UBE4B: variants seen among roughly 807,000 people sequenced by gnomAD.
UBE4B encodes ubiquitin conjugation factor E4 B.
UBE4B carries 27 observed loss-of-function variants against 148.1 expected under a neutral mutation model. The observed-to-expected ratio is 0.18, with a 90% CI of 0.13 to 0.25. The LOEUF (loss-of-function observed/expected upper bound fraction) is 0.25. Among genes scored for constraint, UBE4B ranks in the 10% least tolerant of loss-of-function variants. UBE4B has a pLI of 1.00. For missense variants in UBE4B, 1,170 were observed against 1,662.4 expected, an observed-to-expected ratio of 0.70 and a Z score of 5.15; for synonymous variants, 596 against 619.3, an observed-to-expected ratio of 0.96 and a Z score of 0.56.
intron 26 of UBE4B, chr1:10,179,019 C>T (rs1646467610): frequency 1.8e-6 from 1 of 567,946 alleles, no homozygotes; most frequent in Non-Finnish European, 2.8e-6. Flanking sequence ...CTTAGCCTGA[C>T]TTAAAGCCAG....
In UBE4B at chr1:10,089,844, C is replaced by T. The variant is rs944911012; in HGVS notation, c.212-5617C>T. ...CCTCCTGAGTAGCTGGGATTACAGG[C>T]GTGCACCAGCATGTCTGGCTAATTT... On this transcript the variant is annotated intron_variant, in intron 2 of 27. Coordinates refer to ENST00000343090, the MANE Select transcript of UBE4B (RefSeq NM_001105562.3). 2.0e-5 allele frequency among the ~76,000 whole-genome samples: 3 copies of T among 151,838 alleles called. No individual in the cohort carries two copies. The South Asian group carries it at 6.2e-4, about 32-fold the overall frequency.
At chr1:10,145,691 A>G (rs965547094) in intron 18 of UBE4B, 2 of 152,060 alleles carry the variant, frequency 1.3e-5, no homozygotes, top group African/African-American at 4.8e-5. Flanking sequence ...CCCTCGCCCC[A>G]ACACTCATCC....
At chr1:10,087,608 T>C (rs1644784915) in intron 2 of UBE4B, among the ~76,000 whole-genome samples, 1 of 152,238 alleles carries the variant, frequency 6.6e-6, no homozygotes, top group South Asian at 2.1e-4. Context: ...ACTGGGGTTG[T>C]GGGTTTTGGG....
intron 11 of UBE4B, among the ~76,000 whole-genome samples, chr1:10,127,116 T>C (rs977943526): frequency 3.3e-5 from 5 of 152,138 alleles, no homozygotes; most frequent in African/African-American, 9.7e-5. Flanking sequence ...AATGCACTTA[T>C]TACAATGTAC....
At chr1:10,115,331 G>C (rs897531836) in intron 7 of UBE4B, among the ~76,000 whole-genome samples, 2 of 151,102 alleles carry the variant, frequency 1.3e-5, no homozygotes, top group African/African-American at 4.9e-5. Context: ...GCAGTTGTGT[G>C]ATCTCAGCTC....
intron 24 of UBE4B, among the ~76,000 whole-genome samples, chr1:10,169,320 C>T (rs1557614420): frequency 1.3e-5 from 2 of 152,174 alleles, no homozygotes; most frequent in African/African-American, 4.8e-5. Flanking sequence ...CATATTTCCC[C>T]TGATTTTCTG....
intron 15 of UBE4B, 119 bp downstream of exon 15, chr1:10,132,601 C>A (rs753253235): frequency 8.1e-6 from 6 of 744,042 alleles, no homozygotes; most frequent in African/African-American, 1.8e-5. Context: ...ACAAGGTAGA[C>A]GAGCTTCCTG....
chr1:10,055,906 A>G (rs1350134474), intron 1 of UBE4B, among the ~76,000 whole-genome samples: 1 of 152,108 alleles, frequency 6.6e-6, no homozygotes, highest in African/African-American at 2.4e-5. Context: ...ATGACAGAGT[A>G]AGACTCTGTC....
intron 1 of UBE4B, among the ~76,000 whole-genome samples, chr1:10,040,316 G>A (rs1380439759): frequency 6.6e-6 from 1 of 151,868 alleles, no homozygotes; most frequent in African/African-American, 2.4e-5. Context: ...CACCATATTG[G>A]CCAGGCTGGT....
intron 19 of UBE4B, among the ~76,000 whole-genome samples, chr1:10,147,632 A>C (rs1343529012): frequency 6.6e-6 from 1 of 152,214 alleles, no homozygotes; most frequent in African/African-American, 2.4e-5. Context: ...AATTTTGACA[A>C]GTTTTCTTTA....
rs180968554 is a variant in UBE4B, at chr1:10,115,358, C to T, written c.1197-2101C>T. On this transcript the variant is annotated intron_variant, in intron 7 of 27. Coordinates refer to ENST00000343090, the MANE Select transcript of UBE4B (RefSeq NM_001105562.3). ...TCTCAGCTCACAGCAGCCTCTGCCT[C>T]CCGGGATTTAAGAGATTCTCCTGCC... Among the ~76,000 whole-genome samples the T allele has an allele frequency of 3.6e-4, 54 of 151,858 alleles. No homozygotes were observed. In the South Asian group the frequency reaches 5.6e-3, roughly 16 times the overall value.
chr1:10,103,240 T>C (rs1645045030), intron 5 of UBE4B, 148 bp downstream of exon 5: 7 of 706,234 alleles, frequency 9.9e-6, no homozygotes. Context: ...AGGACACAAT[T>C]GTTTAGCCAC....
chr1:10,129,833 A>G (rs2101940105), intron 12 of UBE4B, among the ~76,000 whole-genome samples: 1 of 151,766 alleles, frequency 6.6e-6, no homozygotes, highest in South Asian at 2.1e-4. Flanking sequence ...TTGTATTTTT[A>G]GTAGAGATGG....
chr1:10,177,743 A>G (rs1646448602), intron 25 of UBE4B, among the ~76,000 whole-genome samples: 1 of 152,064 alleles, frequency 6.6e-6, no homozygotes, highest in Non-Finnish European at 1.5e-5. Context: ...ACAAATATAT[A>G]TCATCACTAA....
chr1:10,094,165 T>C (rs1644892788), intron 2 of UBE4B, among the ~76,000 whole-genome samples: 1 of 152,214 alleles, frequency 6.6e-6, no homozygotes, highest in African/African-American at 2.4e-5. Flanking sequence ...AAGACATTGA[T>C]GGGAAATTGC....
At chr1:10,114,007 G>T (rs1466219621) in intron 7 of UBE4B, among the ~76,000 whole-genome samples, 1 of 149,698 alleles carries the variant, frequency 6.7e-6, no homozygotes, top group Non-Finnish European at 1.5e-5. Context: ...AGAGGTTGCA[G>T]TGAGCCGAGA....
In UBE4B at chr1:10,074,205, C is replaced by T. The variant is rs200365375; in HGVS notation, c.211+1991C>T. ...ATCCATCTGCCTACCTGTATGTGCG[C>T]CTGGTTCTTGTTATGCACAAATTGT... On this transcript the variant is annotated intron_variant, in intron 2 of 27. Transcript: ENST00000343090. Among the ~76,000 whole-genome samples the T allele has an allele frequency of 5.9e-5, 9 of 152,174 alleles. No individual in the cohort carries two copies. The East Asian group carries it at 1.5e-3, about 26-fold the overall frequency.
intron 1 of UBE4B, among the ~76,000 whole-genome samples, chr1:10,035,256 CA>C (rs895343615): frequency 5.9e-5 from 9 of 151,944 alleles, no homozygotes; most frequent in Admixed American, 5.9e-4. Context: ...CTCAGCCTCC[CA>C]AAGTGCTGGG....
Position 10,106,372 on chromosome 1 carries a change from C to CAGTGTA in UBE4B, c.985_986insAGTGTA (p.Pro328_Arg329insGlnCys). 6.2e-7 allele frequency: 1 copy of CAGTGTA among 1,613,714 alleles called. No homozygotes were observed. The highest frequency in any genetic ancestry group is 8.5e-7 in the Non-Finnish European group (1 of 1,179,692). On this transcript the variant is annotated inframe_insertion, in exon 7 of 28. Coordinates refer to ENST00000343090, the MANE Select transcript of UBE4B (RefSeq NM_001105562.3). This position sits in a 1 kb window ranked among gnomAD's most constrained non-coding sequence, Gnocchi z 4.2. ...TGCGGGAAGCCAGCCTTCATCCCCG[C>CAGTGTA]GGTATCGCCCCTACACTGTCACTCA...
Sources: gnomAD v4.1 joint callset for allele counts (sites outside exome capture counted in the v4.1 genomes callset) on GRCh38, gnomAD v4.1.1 for gene constraint, Gnocchi (gnomAD v3.1) non-coding constraint, MANE v1.5 for transcripts, NCBI Gene and HGNC (gene_info 2026-07-23, HGNC 2026-07-21) for gene names.